The following ADAMTS10 variants were observed in gnomAD, a reference collection of about 807,000 sequenced individuals.
The protein encoded by ADAMTS10 is ADAM metallopeptidase with thrombospondin type 1 motif 10.
In ADAMTS10, 48 loss-of-function variants were observed where a neutral mutation model predicts 135.9. The observed-to-expected ratio is 0.35, with a 90% CI of 0.28 to 0.45. The LOEUF is 0.45. ADAMTS10 is among the 20% of genes least tolerant of loss of function. ADAMTS10 has a pLI of 1.00. For synonymous variants in ADAMTS10, 621 were observed against 647.5 expected (o/e 0.96, Z 0.62); for missense variants, 1,131 against 1,565.2 (o/e 0.72, Z 4.68).
Position 8,598,685 on chromosome 19 carries a change from C to T in ADAMTS10, c.811-1368G>A, listed in dbSNP as rs1555740796. On this transcript the variant is annotated intron_variant, in intron 6 of 25. Coordinates refer to ENST00000597188, the MANE Select transcript of ADAMTS10 (RefSeq NM_030957.4). ...CACCTCCCGGGTTCAAGCGATTCTC[C>T]AGCCTCAGCCTCCGGAGTAGCTGGG... Among the ~76,000 whole-genome samples the T allele has an allele frequency of 2.7e-5, 4 of 150,572 alleles. No individual in the cohort carries two copies. The Admixed American group carries it at 2.7e-4, about 10-fold the overall frequency.
chr19:8,607,168 G>A (rs1044481350), intron 2 of ADAMTS10, among the ~76,000 whole-genome samples: 1 of 152,120 alleles, frequency 6.6e-6, no homozygotes, highest in Non-Finnish European at 1.5e-5. Context: ...TGCATCTACT[G>A]TCCTGGGCCC....
rs570275935 is a variant in ADAMTS10, at chr19:8,586,731, G to C, written c.2240-10C>G. 3.3e-5 allele frequency: 53 copies of C among 1,614,072 alleles called. No homozygotes were observed. Among genetic ancestry groups the C allele is most frequent in the Non-Finnish European group, 4.0e-5 (47 of 1,180,000 alleles). On this transcript the variant is annotated splice_polypyrimidine_tract_variant and intron_variant, in intron 19 of 25. Coordinates refer to ENST00000597188, the MANE Select transcript of ADAMTS10 (RefSeq NM_030957.4). ...TGGTCTCCCTTCAGGGCTGGGGGACGATGCAGGGTTCAGAATTCTAGTCAT... is the reference window on the plus strand; with the variant it reads ...TGGTCTCCCTTCAGGGCTGGGGGACCATGCAGGGTTCAGAATTCTAGTCAT...
intron 6 of ADAMTS10, among the ~76,000 whole-genome samples, chr19:8,600,665 A>C (rs566868812): frequency 7.1e-4 from 108 of 151,360 alleles, no homozygotes; most frequent in Non-Finnish European, 1.3e-3. Flanking sequence ...CACTCGGCTA[A>C]TTTTTTGTAT....
rs781823511 is a variant in ADAMTS10, at chr19:8,589,303, G to T, written c.2097C>A (p.Gly699=). 2 of 1,612,562 alleles carry T rather than the reference G, an allele frequency of 1.2e-6. No homozygotes were observed. Among genetic ancestry groups the T allele is most frequent in the Non-Finnish European group, 1.7e-6 (2 of 1,179,962 alleles). The change falls in exon 18 of 26, where the codon GGC becomes GGA. Residue 699 remains glycine, a synonymous_variant. Transcript: ENST00000597188. The part of the protein sequence containing the change: ...DLREDKCRVC[G]GDGSACETIE... ...TGGTCTCGCAGGCACTGCCGTCACC[G>T]CCACACACTCGGCACTTGTCCTCCC...
rs1555742536 is a variant in ADAMTS10, at chr19:8,605,833, G to C, written c.-99-24C>G. ...TCCTGGGAGGGGGGAGCCAGGTAAGGGGGCGCCTGGTCCCGCTGTCCAGCA... is the reference window on the plus strand; with the variant it reads ...TCCTGGGAGGGGGGAGCCAGGTAAGCGGGCGCCTGGTCCCGCTGTCCAGCA... On this transcript the variant is annotated intron_variant, in intron 2 of 25. Transcript: ENST00000597188. This position sits in a 1 kb window ranked among gnomAD's most constrained non-coding sequence, Gnocchi z 7.7. 6.7e-7 allele frequency: 1 copy of C among 1,493,904 alleles called. No homozygotes were observed. The highest frequency in any genetic ancestry group is 1.4e-5 in the African/African-American group (1 of 71,674). 92.5% of individuals were successfully genotyped at this position (1,493,904 alleles called of 1,614,324 possible).
intron 20 of ADAMTS10, 37 bp from the exon 21 acceptor site, chr19:8,586,507 A>G (rs782703528): frequency 1.9e-6 from 3 of 1,613,242 alleles, no homozygotes; most frequent in South Asian, 1.1e-5. Context: ...GAAGGATCGC[A>G]TGGAGTCTCT....
Position 8,580,620 on chromosome 19 carries a change from G to T in ADAMTS10, c.*273C>A, listed in dbSNP as rs1253310877. On this transcript the variant is annotated 3_prime_UTR_variant, in exon 26 of 26. Coordinates refer to ENST00000597188, the MANE Select transcript of ADAMTS10 (RefSeq NM_030957.4). ...AAGGGTGGGTTCAAAGGGTGCTGGG[G>T]TGAACAGCTGTCCCCTCCCCAGACC... The T allele has an allele frequency of 3.1e-5, 14 of 452,386 alleles. No individual in the cohort carries two copies. The highest frequency in any genetic ancestry group is 2.8e-4 in the African/African-American group (14 of 49,846). 28.0% of individuals were successfully genotyped at this position (452,386 alleles called of 1,614,324 possible).
At position 8,596,097 on chromosome 19, in the gene ADAMTS10, C is replaced by T. The variant is rs538831236; in HGVS notation, c.1313G>A (p.Arg438His). 5.6e-6 allele frequency: 9 copies of T among 1,614,194 alleles called. No individual in the cohort carries two copies. The highest frequency in any genetic ancestry group is 2.2e-5 in the East Asian group (1 of 44,880). The part of the protein sequence containing the change: ...TNPFVWSSCS[R>H]DYITSFLDSG... ...CTCTAGAAAGCTGGTGATGTAGTCA[C>T]GGCTGCAGGATGACCACACGAATGG... The change falls in exon 11 of 26, where the codon CGT becomes CAT. Residue 438 changes from arginine (R) to histidine (H), a missense_variant. Arg to His is a conservative substitution (Grantham distance 29, BLOSUM62 0). This residue lies in a region of ADAMTS10 where 745 missense variants were observed against 1,056.3 expected (regional missense o/e 0.71). Coordinates refer to ENST00000597188, the MANE Select transcript of ADAMTS10 (RefSeq NM_030957.4). This position sits in a 1 kb window ranked among gnomAD's most constrained non-coding sequence, Gnocchi z 7.2.
At chr19:8,585,682 G>C in intron 22 of ADAMTS10, 22 bp from the exon 23 acceptor site, 1 of 1,610,230 alleles carries the variant, frequency 6.2e-7, no homozygotes, top group Non-Finnish European at 8.5e-7. Context: ...GAAGGGGTCT[G>C]AGCAAGTAAG....
Position 8,586,405 on chromosome 19 carries a change from C to G in ADAMTS10, c.2469G>C (p.Ser823=), listed in dbSNP as rs782704779. 2.5e-6 allele frequency: 4 copies of G among 1,613,866 alleles called. No homozygotes were observed. The Admixed American group carries it at 6.7e-5, about 27-fold the overall frequency. ...YRFNAPIARD[S]LPPYSWHYAP... ...CATAGTGCCAGGAGTAGGGGGGCAG[C>G]GAGTCACGGGCGATGGGGGCATTGA... The change falls in exon 21 of 26, where the codon TCG becomes TCC. Residue 823 remains serine, a synonymous_variant. Transcript: ENST00000597188.
In ADAMTS10 at chr19:8,584,995, C is replaced by G; in HGVS notation, c.3102G>C (p.Thr1034=). The change falls in exon 25 of 26, where the codon ACG becomes ACC. Residue 1034 remains threonine (T), a synonymous_variant. Transcript: ENST00000597188. The part of the protein sequence containing the change: ...RQRSVRCTSH[T]GQASHECTEA... ...CCGTGCACTCGTGCGACGCCTGGCC[C>G]GTGTGGCTGGTGCAGCGCACCGAGC... The G allele has an allele frequency of 6.5e-7, 1 of 1,543,236 alleles. No individual in the cohort carries two copies. The highest frequency in any genetic ancestry group is 2.5e-5 in the East Asian group (1 of 40,798).
chr19:8,595,698 T>TGCCGG, intron 12 of ADAMTS10, 64 bp downstream of exon 12: 19 of 1,291,930 alleles, frequency 1.5e-5, no homozygotes, highest in Non-Finnish European at 1.8e-5. Context: ...CTGGTGGAGT[T>TGCCGG]CCCTCCCCCA....
At chr19:8,585,802 C>T in intron 22 of ADAMTS10, 142 bp from the exon 23 acceptor site, 1 of 913,110 alleles carries the variant, frequency 1.1e-6, no homozygotes, top group South Asian at 1.5e-5. Flanking sequence ...ACATTCCACA[C>T]TTGGGGCATC....
chr19:8,583,009 C>T lies in ADAMTS10; in HGVS notation c.3202+1886G>A, dbSNP rs1468904952. Reference sequence around the variant, plus strand: ...ATGTCTCTCAGGCTGGTCTCCAACTCCTGGGCTCAGGCAATCTTTCCAGTT... The same window carrying T: ...ATGTCTCTCAGGCTGGTCTCCAACTTCTGGGCTCAGGCAATCTTTCCAGTT... On this transcript the variant is annotated intron_variant, in intron 25 of 25. Transcript: ENST00000597188. 3.9e-5 allele frequency among the ~76,000 whole-genome samples: 6 copies of T among 152,176 alleles called. No homozygotes were observed. The East Asian group carries it at 7.8e-4, about 20-fold the overall frequency.
chr19:8,581,129 ACTTTTTTTTT>A, intron 25 of ADAMTS10, 127 bp from the exon 26 acceptor site: 17 of 126,878 alleles, frequency 1.3e-4, no homozygotes, highest in Non-Finnish European at 1.8e-4. Flanking sequence ...TTTTAAATTT[ACTTTTTTTTT>A]TTTTTTTTTT....
rs36044688 is a variant in ADAMTS10 at position 8,604,001 on chromosome 19, C to CTTT, written c.436-120_436-118dup. ...TCTTATCAGGTTTATTTTGCTATTT[C>CTTT]TTTTTTTTTTTTTGGCATAGGTAAT... On this transcript the variant is annotated intron_variant, in intron 4 of 25. Transcript: ENST00000597188. 3.8e-4 allele frequency: 312 copies of CTTT among 824,446 alleles called. 1 individual carries two copies. The highest frequency in any genetic ancestry group is 2.9e-3 in the African/African-American group (157 of 54,622). The allele number at this position is 824,446 out of a possible 1,614,324, so 51.1% of individuals were successfully genotyped here. A position where few individuals can be genotyped will look rare whatever the true frequency, so the allele number is the denominator to read the frequency against.
Position 8,605,334 on chromosome 19 carries a change from C to T in ADAMTS10, c.113G>A (p.Ser38Asn). ...SQDEFLSSLE[S>N]YEIAFPTRVD... ...GCGGGTGGGGAAGGCGATCTCATAG[C>T]TCTCCAGACTGGACAGGAACTCATC... The change falls in exon 4 of 26, where the codon AGC (serine) becomes AAC (asparagine). Residue 38 changes from serine (S) to asparagine (N), a missense_variant. Coordinates refer to ENST00000597188, the MANE Select transcript of ADAMTS10 (RefSeq NM_030957.4). The surrounding 1 kb of genome is among the most constrained non-coding windows in gnomAD (Gnocchi z 7.7). The T allele has an allele frequency of 6.2e-7, 1 of 1,605,954 alleles. No individual in the cohort carries two copies.
At chr19:8,604,153 C>T (rs576841373) in intron 4 of ADAMTS10, among the ~76,000 whole-genome samples, 5 of 151,470 alleles carry the variant, frequency 3.3e-5, no homozygotes, top group South Asian at 2.1e-4. Context: ...TGGGCTCAAG[C>T]GATCCTCCTG....
At chr19:8,584,761 A>G (rs2042400221) in intron 25 of ADAMTS10, 134 bp downstream of exon 25, 3 of 1,294,288 alleles carry the variant, frequency 2.3e-6, no homozygotes, top group African/African-American at 2.9e-5. Flanking sequence ...ATGGTGAAGG[A>G]TGGCCTGGCA....
Sources: gnomAD v4.1 joint callset for allele counts (sites outside exome capture counted in the v4.1 genomes callset) on GRCh38, gnomAD v4.1.1 for gene constraint, gnomAD v4.1.1 regional missense constraint, Gnocchi (gnomAD v3.1) non-coding constraint, MANE v1.5 for transcripts, NCBI Gene and HGNC (gene_info 2026-07-23, HGNC 2026-07-21) for gene names.